Variants in GSAP observed in about 807,000 individuals in gnomAD.
The protein encoded by GSAP is gamma-secretase activating protein.
In GSAP, 118 loss-of-function variants were observed where a neutral mutation model predicts 131.7. The ratio of observed to expected loss-of-function variants is 0.90; its 90% CI spans 0.77 to 1.04. The LOEUF is 1.04. GSAP is among the 50% of genes least tolerant of loss of function. The pLI, the probability that GSAP is intolerant of heterozygous loss-of-function variation, is 0.00. For synonymous variants in GSAP, 381 were observed against 363.4 expected (o/e 1.05, Z -0.55); for missense variants, 1,019 against 1,013.2 (o/e 1.01, Z -0.08).
intron 5 of GSAP, among the ~76,000 whole-genome samples, chr7:77,393,041 G>A (rs1799828751): frequency 6.6e-6 from 1 of 151,826 alleles, no homozygotes; most frequent in South Asian, 2.1e-4. Flanking sequence ...CATCTCTACA[G>A]CCAAGAAAAG....
At chr7:77,359,359 T>C (rs1215132378) in intron 14 of GSAP, among the ~76,000 whole-genome samples, 3 of 152,050 alleles carry the variant, frequency 2.0e-5, no homozygotes, top group Non-Finnish European at 4.4e-5. Context: ...AGATAACAAG[T>C]AAAATACTTA....
At chr7:77,350,572 TAAA>T (rs368824065) in intron 18 of GSAP, among the ~76,000 whole-genome samples, 6 of 121,258 alleles carry the variant, frequency 4.9e-5, no homozygotes, top group Admixed American at 1.7e-4. Context: ...CCCGCTCTAC[TAAA>T]AAAAAAAAAA....
At chr7:77,369,902 G>GTTTTTT (rs143719510) in intron 12 of GSAP, among the ~76,000 whole-genome samples, 98 of 151,412 alleles carry the variant, frequency 6.5e-4, no homozygotes, top group African/African-American at 1.6e-3. Context: ...TTTGAAACAC[G>GTTTTTT]TTTTTTTATT....
chr7:77,371,081 T>C (rs1176897365), intron 12 of GSAP, among the ~76,000 whole-genome samples: 2 of 151,996 alleles, frequency 1.3e-5, no homozygotes, highest in African/African-American at 4.8e-5. Flanking sequence ...TCTAAAAACT[T>C]CCAGATTTAT....
At chr7:77,372,435 G>A in intron 12 of GSAP, among the ~76,000 whole-genome samples, 1 of 152,210 alleles carries the variant, frequency 6.6e-6, no homozygotes, top group East Asian at 1.9e-4. Flanking sequence ...AATTTGAATA[G>A]AAAATAAAGT....
At chr7:77,398,512 C>G (rs559299551) in intron 3 of GSAP, among the ~76,000 whole-genome samples, 1 of 152,084 alleles carries the variant, frequency 6.6e-6, no homozygotes, top group East Asian at 1.9e-4. Context: ...ACAAAGATAA[C>G]GTAAGTATAA....
chr7:77,395,348 G>C (rs576046974), intron 5 of GSAP, among the ~76,000 whole-genome samples: 6 of 152,074 alleles, frequency 3.9e-5, no homozygotes, highest in Non-Finnish European at 7.4e-5. Context: ...CCTCTTCTTG[G>C]AGAAATGGGT....
intron 14 of GSAP, among the ~76,000 whole-genome samples, chr7:77,358,373 T>C (rs1794065643): frequency 6.6e-6 from 1 of 152,158 alleles, no homozygotes; most frequent in African/African-American, 2.4e-5. Flanking sequence ...GCTGGGAAGA[T>C]TTGATGAAAT....
At chr7:77,405,142 T>TTA (rs1802046738) in intron 2 of GSAP, among the ~76,000 whole-genome samples, 1 of 152,236 alleles carries the variant, frequency 6.6e-6, no homozygotes, top group African/African-American at 2.4e-5. Flanking sequence ...TGAAAACACA[T>TTA]TGTTAAATAA....
intron 19 of GSAP, among the ~76,000 whole-genome samples, chr7:77,340,065 A>T (rs1017582991): frequency 1.3e-5 from 2 of 152,182 alleles, no homozygotes; most frequent in African/African-American, 4.8e-5. Context: ...TTAAATGATG[A>T]CATTCCACCA....
At chr7:77,408,563 C>A (rs547835441) in intron 1 of GSAP, among the ~76,000 whole-genome samples, 1 of 151,414 alleles carries the variant, frequency 6.6e-6, no homozygotes, top group East Asian at 1.9e-4. Context: ...TAGCTGGGCA[C>A]GGTGGTGCAC....
chr7:77,410,808 G>A (rs567245382), intron 1 of GSAP, among the ~76,000 whole-genome samples: 7 of 152,152 alleles, frequency 4.6e-5, no homozygotes, highest in East Asian at 1.9e-4. Flanking sequence ...GGAGAAAAAC[G>A]TCATTCAGCC....
chr7:77,355,572 T>A lies in GSAP; in HGVS notation c.1103A>T (p.His368Leu), dbSNP rs1793560114. The change falls in exon 15 of 31, where the codon CAC becomes CTC. Residue 368 changes from histidine to leucine, a missense_variant. Physicochemically the swap from His to Leu is moderately conservative, Grantham distance 99. Transcript: ENST00000257626. Reference protein sequence around the residue: ...LNVQHPDLICHNLFLTGNNEM... With the variant: ...LNVQHPDLICLNLFLTGNNEM... ...AGCCGTACCTGTCAGAAAGAGATTG[T>A]GGCAGATCAGGTCTGGATGTTGAAC... 1 of 1,609,492 alleles carries A rather than the reference T, an allele frequency of 6.2e-7. No homozygotes were observed. Among genetic ancestry groups the A allele is most frequent in the South Asian group, 1.1e-5 (1 of 90,972 alleles).
At chr7:77,328,361 G>GC in intron 22 of GSAP, 1 of 1,253,732 alleles carries the variant, frequency 8.0e-7, no homozygotes, top group East Asian at 3.2e-5. Flanking sequence ...AAGGAGAACC[G>GC]CAAGGCCATC....
chr7:77,375,953 C>T (rs1796792215), intron 10 of GSAP, among the ~76,000 whole-genome samples: 1 of 151,332 alleles, frequency 6.6e-6, no homozygotes. Flanking sequence ...TTAAAAAATT[C>T]AAGTTCTTAA....
At chr7:77,328,090 G>A (rs1447290596) in intron 22 of GSAP, 6 of 433,774 alleles carry the variant, frequency 1.4e-5, no homozygotes, top group Non-Finnish European at 1.8e-5. Flanking sequence ...TCACACAAGA[G>A]GCCATGCTGG....
intron 1 of GSAP, among the ~76,000 whole-genome samples, chr7:77,408,339 T>G (rs551787795): frequency 6.6e-6 from 1 of 152,350 alleles, no homozygotes; most frequent in East Asian, 1.9e-4. Flanking sequence ...TAAACACTGG[T>G]AGATTCACCA....
rs200553114 is a variant in GSAP, at chr7:77,349,368, C to T, written c.1528G>A (p.Ala510Thr). 43 of 1,612,442 alleles carry T rather than the reference C, an allele frequency of 2.7e-5. No individual in the cohort carries two copies. In the Middle Eastern group the frequency reaches 9.9e-4, roughly 37 times the overall value. Residue 510 changes from alanine (A) to threonine (T), a missense_variant, in exon 19 of 31, where the codon GCA becomes ACA. By Grantham distance (58) the Ala-to-Thr change is moderately conservative. Coordinates refer to ENST00000257626, the MANE Select transcript of GSAP (RefSeq NM_017439.4). ...PGITLVTEDI[A>T]LPLMKVLSFK... is the part of the protein sequence containing the mutation. ...GGACCTACCTTCATAAGAGGCAATG[C>T]AATGTCTTCTGTCACAAGAGTTATT...
chr7:77,402,400 A>C (rs1422153337), intron 3 of GSAP, among the ~76,000 whole-genome samples: 1 of 125,048 alleles, frequency 8.0e-6, no homozygotes, highest in African/African-American at 3.3e-5. Flanking sequence ...AAAAAGAAAA[A>C]AGAAAAAAAA....
Sources: gnomAD v4.1 joint callset for allele counts (sites outside exome capture counted in the v4.1 genomes callset) on GRCh38, gnomAD v4.1.1 for gene constraint, MANE v1.5 for transcripts, NCBI Gene and HGNC (gene_info 2026-07-23, HGNC 2026-07-21) for gene names.